The following DKK2 variants were observed in gnomAD, a reference collection of about 807,000 sequenced individuals.
The protein encoded by DKK2 is dickkopf-related protein 2.
A neutral mutation model predicts 28.1 loss-of-function variants in DKK2; 11 were observed. The observed-to-expected ratio is 0.39, with a 90% CI of 0.25 to 0.65. The LOEUF is 0.65. DKK2 is among the 30% of genes least tolerant of loss of function. The probability of loss-of-function intolerance (pLI) is 0.47; values close to 1 mark genes in which losing one functional copy is unlikely to be tolerated. For missense variants in DKK2, 326 were observed against 335.5 expected, an observed-to-expected ratio of 0.97 and a Z score of 0.22; for synonymous variants, 135 against 126.5, an observed-to-expected ratio of 1.07 and a Z score of -0.45.
At chr4:106,972,429 A>C (rs984664466) in intron 1 of DKK2, among the ~76,000 whole-genome samples, 2 of 151,978 alleles carry the variant, frequency 1.3e-5, no homozygotes, top group Non-Finnish European at 2.9e-5. Context: ...TCTAAAAAAA[A>C]AAAAAAGACT....
In DKK2 at chr4:107,035,380, T is replaced by G. The variant is rs763553397; in HGVS notation, c.212A>C (p.Asn71Thr). 2 of 1,614,006 alleles carry G rather than the reference T, an allele frequency of 1.2e-6. No individual in the cohort carries two copies. The highest frequency in any genetic ancestry group is 2.2e-5 in the South Asian group (2 of 91,082). Residue 71 changes from asparagine to threonine, a missense_variant, in exon 1 of 4, where the codon AAC (asparagine) becomes ACC (threonine). By Grantham distance (65) the Asn-to-Thr change is moderately conservative. Coordinates refer to ENST00000285311, the MANE Select transcript of DKK2 (RefSeq NM_014421.3). ...LAFGGSKKGKNLGQAYPCSSD... is the reference protein window; with the variant it reads ...LAFGGSKKGKTLGQAYPCSSD... ...TGGGGGTTTTCCTACCTGCCCCAGG[T>G]TTTTGCCCTTCTTACTGCCGCCGAA...
intron 3 of DKK2, 51 bp from the exon 4 acceptor site, chr4:106,924,255 A>AC: frequency 6.3e-7 from 1 of 1,584,594 alleles, no homozygotes; most frequent in Middle Eastern, 1.7e-4. Context: ...AGAAAAAAAA[A>AC]ATTCTATTTT....
At chr4:106,927,081 A>G (rs1448781358) in intron 1 of DKK2, among the ~76,000 whole-genome samples, 2 of 152,214 alleles carry the variant, frequency 1.3e-5, no homozygotes, top group Non-Finnish European at 2.9e-5. Flanking sequence ...TACAAAATAT[A>G]AAATAAGCTA....
chr4:107,034,250 C>A (rs1036887530), intron 1 of DKK2, among the ~76,000 whole-genome samples: 2 of 152,214 alleles, frequency 1.3e-5, no homozygotes, highest in African/African-American at 4.8e-5. Flanking sequence ...CGCAAAACAG[C>A]AGCATCAGTC....
chr4:106,937,708 T>C (rs1413605348), intron 1 of DKK2, among the ~76,000 whole-genome samples: 3 of 142,170 alleles, frequency 2.1e-5, no homozygotes, highest in African/African-American at 7.8e-5. Flanking sequence ...ATTGACCACA[T>C]ACTTGGAAGT....
At chr4:106,979,830 C>T (rs910513738) in intron 1 of DKK2, among the ~76,000 whole-genome samples, 1 of 152,234 alleles carries the variant, frequency 6.6e-6, no homozygotes, top group Non-Finnish European at 1.5e-5. Context: ...TCATACATCA[C>T]AGTATCCAGG....
intron 1 of DKK2, among the ~76,000 whole-genome samples, chr4:106,956,929 G>A (rs1722602678): frequency 6.6e-6 from 1 of 151,146 alleles, no homozygotes; most frequent in Non-Finnish European, 1.5e-5. Flanking sequence ...AAGAGCTTCT[G>A]CACAGCAAAA....
At chr4:106,981,897 T>C (rs1010151981) in intron 1 of DKK2, among the ~76,000 whole-genome samples, 1 of 152,156 alleles carries the variant, frequency 6.6e-6, no homozygotes, top group African/African-American at 2.4e-5. Context: ...TATAAATTTT[T>C]AGAAATCAGA....
chr4:106,981,137 G>T (rs1021675540), intron 1 of DKK2, among the ~76,000 whole-genome samples: 2 of 151,872 alleles, frequency 1.3e-5, no homozygotes, highest in African/African-American at 4.8e-5. Context: ...AATCATTAGA[G>T]GTCAACCTAT....
chr4:107,031,905 C>T (rs1430967560), intron 1 of DKK2, among the ~76,000 whole-genome samples: 2 of 151,718 alleles, frequency 1.3e-5, no homozygotes, highest in South Asian at 4.1e-4. Flanking sequence ...GAGATAGTAT[C>T]GAGAAATGGC....
At chr4:106,962,617 T>A (rs1468945101) in intron 1 of DKK2, among the ~76,000 whole-genome samples, 8 of 147,784 alleles carry the variant, frequency 5.4e-5, no homozygotes, top group Non-Finnish European at 1.2e-4. Flanking sequence ...TTAAAATGGA[T>A]TAAAGATTTC....
At chr4:107,006,928 A>G (rs959162135) in intron 1 of DKK2, among the ~76,000 whole-genome samples, 27 of 152,212 alleles carry the variant, frequency 1.8e-4, no homozygotes, top group Admixed American at 1.7e-3. Context: ...GTGAAAGAAA[A>G]TAAGTATTGT....
At chr4:106,989,402 C>T (rs1464291721) in intron 1 of DKK2, among the ~76,000 whole-genome samples, 2 of 152,126 alleles carry the variant, frequency 1.3e-5, no homozygotes, top group Non-Finnish European at 2.9e-5. Flanking sequence ...GTTTCCTGCT[C>T]TGTAAAATTA....
At chr4:106,946,739 A>G (rs1724782115) in intron 1 of DKK2, among the ~76,000 whole-genome samples, 1 of 151,952 alleles carries the variant, frequency 6.6e-6, no homozygotes, top group African/African-American at 2.4e-5. Context: ...ACAAGGCTGA[A>G]CAGACCTCTG....
At chr4:106,962,326 A>G (rs1360584461) in intron 1 of DKK2, among the ~76,000 whole-genome samples, 1 of 152,198 alleles carries the variant, frequency 6.6e-6, no homozygotes, top group Non-Finnish European at 1.5e-5. Flanking sequence ...TATATGGACC[A>G]CAAAAGACTC....
intron 1 of DKK2, among the ~76,000 whole-genome samples, chr4:107,007,600 T>C (rs890581706): frequency 6.6e-6 from 1 of 152,170 alleles, no homozygotes; most frequent in African/African-American, 2.4e-5. Context: ...AAAATGCCTG[T>C]CCTTGAACAT....
chr4:106,960,668 A>G (rs1035950301), intron 1 of DKK2, among the ~76,000 whole-genome samples: 3 of 152,190 alleles, frequency 2.0e-5, no homozygotes, highest in Admixed American at 6.6e-5. Flanking sequence ...AACTAGCTCT[A>G]AGACACACTG....
At chr4:107,023,564 A>G (rs1207224928) in intron 1 of DKK2, among the ~76,000 whole-genome samples, 2 of 152,088 alleles carry the variant, frequency 1.3e-5, no homozygotes, top group Non-Finnish European at 2.9e-5. Context: ...TTATGGATAA[A>G]TGTCATTATA....
intron 1 of DKK2, among the ~76,000 whole-genome samples, chr4:107,019,336 T>C (rs943972603): frequency 6.6e-6 from 1 of 152,048 alleles, no homozygotes; most frequent in African/African-American, 2.4e-5. Context: ...GGATCACAGA[T>C]ACCAAAGATT....
Sources: allele counts gnomAD v4.1 joint callset (sites outside exome capture counted in the v4.1 genomes callset), GRCh38; gene constraint gnomAD v4.1.1; transcripts MANE v1.5; gene names NCBI Gene and HGNC (gene_info 2026-07-23, HGNC 2026-07-21).